CD99: variants seen among roughly 807,000 people sequenced by gnomAD.
CD99 encodes CD99 molecule (Xg blood group), also known as CD99 antigen.
In CD99, 19 loss-of-function variants were observed where a neutral mutation model predicts 28.4. The observed-to-expected ratio is 0.67, with a 90% CI of 0.47 to 0.98. CD99 has a LOEUF of 0.98. CD99 is among the 50% of genes least tolerant of loss of function. The pLI is 0.00. For missense variants in CD99, 283 were observed against 248.8 expected, an observed-to-expected ratio of 1.14 and a Z score of -0.92; for synonymous variants, 103 against 92.1, an observed-to-expected ratio of 1.12 and a Z score of -0.67.
chrX:2,717,657 G>A lies in CD99; in HGVS notation c.148+5G>A, dbSNP rs768356527. 3.4e-5 allele frequency: 55 copies of A among 1,612,898 alleles called. No individual in the cohort carries two copies. The highest frequency in any genetic ancestry group is 4.7e-5 in the Non-Finnish European group (55 of 1,178,976). ...TCCCCAAGAAACCCAGTGCTGGTGA[G>A]AAGGGCTTCTTCCTAGTATGCAAAG... On this transcript the variant is annotated splice_donor_5th_base_variant and intron_variant, in intron 3 of 9. Transcript: ENST00000381192.
chrX:2,722,882 A>C (rs1445034053), intron 6 of CD99, among the ~76,000 whole-genome samples: 3 of 152,182 alleles, frequency 2.0e-5, no homozygotes, highest in African/African-American at 7.2e-5. Context: ...TCCTCGGAGA[A>C]GAGTTCAGGG....
intron 8 of CD99, among the ~76,000 whole-genome samples, chrX:2,737,313 G>C (rs901939195): frequency 6.6e-6 from 1 of 151,354 alleles, no homozygotes; most frequent in African/African-American, 2.4e-5. Context: ...AAGTAGCGGG[G>C]ACTACAGGTG....
At chrX:2,738,018 G>T (rs1304941484) in intron 8 of CD99, 182 bp from the exon 9 acceptor site, 1 of 730,536 alleles carries the variant, frequency 1.4e-6, no homozygotes, top group African/African-American at 1.7e-5. Flanking sequence ...TACTGGCAAA[G>T]TCTTCACTTA....
At chrX:2,732,574 T>TC in intron 8 of CD99, among the ~76,000 whole-genome samples, 1 of 149,210 alleles carries the variant, frequency 6.7e-6, no homozygotes, top group East Asian at 2.0e-4. Context: ...TCTCTCTCTC[T>TC]TTTCATTCTT....
At chrX:2,722,537 C>T (rs931304639) in intron 5 of CD99, 90 bp from the exon 6 acceptor site, 59 of 1,127,230 alleles carry the variant, frequency 5.2e-5, no homozygotes, top group South Asian at 4.6e-4. Context: ...ATGAACAGGC[C>T]GGTTTTCATG....
rs184274661 is a variant in CD99, at chrX:2,726,344, A to G, written c.446A>G (p.Gln149Arg). 25 of 1,610,974 alleles carry G rather than the reference A, an allele frequency of 1.6e-5. No individual in the cohort carries two copies. Among genetic ancestry groups the G allele is most frequent in the African/African-American group, 2.7e-5 (2 of 74,966 alleles). ...GCCATCTCTAGCTTCATTGCTTACC[A>G]GAAAAAGAAGCTATGCTTCAAAGAA... is the stretch of plus-strand genomic sequence containing the variant. ...AGAISSFIAY[Q>R]KKKLCFKENA... Residue 149 changes from glutamine (Q) to arginine (R), a missense_variant, in exon 8 of 10, where the codon CAG (glutamine) becomes CGG (arginine). Coordinates refer to ENST00000381192, the MANE Select transcript of CD99 (RefSeq NM_002414.5).
chrX:2,709,759 T>C (rs2048313673), intron 1 of CD99, among the ~76,000 whole-genome samples: 3 of 117,884 alleles, frequency 2.5e-5, no homozygotes, highest in African/African-American at 8.9e-5. Context: ...CATGCACACG[T>C]ATACCCAGGC....
At chrX:2,701,526 C>T (rs1441374379) in intron 1 of CD99, among the ~76,000 whole-genome samples, 1 of 152,212 alleles carries the variant, frequency 6.6e-6, no homozygotes, top group East Asian at 1.9e-4. Context: ...GAGGGGCCCT[C>T]CCTGGACACT....
chrX:2,739,135 C>T (rs910104379), intron 9 of CD99, among the ~76,000 whole-genome samples: 1 of 152,100 alleles, frequency 6.6e-6, no homozygotes, highest in Non-Finnish European at 1.5e-5. Flanking sequence ...TCCCAGAGTG[C>T]TGGGGTTCTA....
At chrX:2,720,474 C>T (rs762040808) in intron 5 of CD99, 50 bp downstream of exon 5, 22 of 1,552,632 alleles carry the variant, frequency 1.4e-5, no homozygotes, top group African/African-American at 8.2e-5. Flanking sequence ...CAGAATTCAG[C>T]GATATTTATG....
chrX:2,703,207 G>T (rs1172166898), intron 1 of CD99, among the ~76,000 whole-genome samples: 1 of 152,158 alleles, frequency 6.6e-6, no homozygotes, highest in African/African-American at 2.4e-5. Context: ...TTGGTGTCCC[G>T]TGTTTTGTGT....
chrX:2,694,506 C>CT (rs1303489567), intron 1 of CD99, among the ~76,000 whole-genome samples: 1 of 83,674 alleles, frequency 1.2e-5, no homozygotes, highest in East Asian at 3.4e-4. Context: ...AATCCCAGCA[C>CT]TTTGAGAGGC....
intron 1 of CD99, among the ~76,000 whole-genome samples, chrX:2,707,873 G>A (rs1403745585): frequency 6.6e-6 from 1 of 152,170 alleles, no homozygotes; most frequent in South Asian, 2.1e-4. Context: ...GAGCAAAAAG[G>A]CAAGTGGGGG....
intron 1 of CD99, among the ~76,000 whole-genome samples, chrX:2,703,708 G>C (rs1201392406): frequency 6.6e-6 from 1 of 151,766 alleles, no homozygotes; most frequent in Non-Finnish European, 1.5e-5. Context: ...TAATAGTTGG[G>C]ACCGGCGGAG....
At position 2,706,319 on chromosome X, in the gene CD99, C is replaced by T. The variant is rs1396877077; in HGVS notation, c.68-8103C>T. Among the ~76,000 whole-genome samples, 5 of 152,114 alleles carry T rather than the reference C, an allele frequency of 3.3e-5. No individual in the cohort carries two copies. The East Asian group carries it at 9.6e-4, about 29-fold the overall frequency. ...AGCTTGCAGTGAGCCAAAATCGGGC[C>T]ACCGCACTCCAGCCTGGGTGACACA... On this transcript the variant is annotated intron_variant, in intron 1 of 9. Coordinates refer to ENST00000381192, the MANE Select transcript of CD99 (RefSeq NM_002414.5).
intron 1 of CD99, among the ~76,000 whole-genome samples, chrX:2,707,680 T>C (rs2048188718): frequency 6.6e-6 from 1 of 152,148 alleles, no homozygotes; most frequent in Non-Finnish European, 1.5e-5. Flanking sequence ...CAGTGGCAGT[T>C]GGGGGTTCTG....
chrX:2,707,349 G>GAA (rs1246975772), intron 1 of CD99, among the ~76,000 whole-genome samples: 13 of 147,668 alleles, frequency 8.8e-5, no homozygotes, highest in Non-Finnish European at 1.6e-4. Flanking sequence ...GAAAAGAAAA[G>GAA]AAAAAAACAG....
chrX:2,722,783 T>A, intron 6 of CD99, 109 bp downstream of exon 6: 1 of 1,147,882 alleles, frequency 8.7e-7, no homozygotes, highest in Non-Finnish European at 1.3e-6. Flanking sequence ...GAACTCACAG[T>A]GAAATGTTCA....
At chrX:2,714,389 T>TGTTTCTAAG in intron 1 of CD99, 33 bp from the exon 2 acceptor site, 1 of 1,507,702 alleles carries the variant, frequency 6.6e-7, no homozygotes, top group South Asian at 1.2e-5. Flanking sequence ...TTATTTTTCT[T>TGTTTCTAAG]GTTTCTAAGT....
Sources: allele counts gnomAD v4.1 joint callset (sites outside exome capture counted in the v4.1 genomes callset), GRCh38; gene constraint gnomAD v4.1.1; transcripts MANE v1.5; gene names NCBI Gene and HGNC (gene_info 2026-07-23, HGNC 2026-07-21).